Variants in TMEM117 observed in about 807,000 individuals in gnomAD.
TMEM117 encodes transmembrane protein 117.
TMEM117 carries 27 observed loss-of-function variants against 52.4 expected under a neutral mutation model. The observed-to-expected ratio is 0.51, with a 90% CI of 0.38 to 0.71. The LOEUF (loss-of-function observed/expected upper bound fraction) is 0.71. TMEM117 is among the 30% of genes least tolerant of loss of function. TMEM117 has a pLI of 0.00. For missense variants in TMEM117, 556 were observed against 630.5 expected (o/e 0.88, Z 1.26); for synonymous variants, 215 against 206.3 (o/e 1.04, Z -0.36).
At chr12:44,353,702 T>C (rs1377372755) in intron 6 of TMEM117, among the ~76,000 whole-genome samples, 4 of 152,138 alleles carry the variant, frequency 2.6e-5, no homozygotes, top group South Asian at 2.1e-4. Context: ...TACTGTAGCC[T>C]TGTAGTATAG....
At chr12:43,966,625 C>T (rs1945490336) in intron 3 of TMEM117, among the ~76,000 whole-genome samples, 1 of 152,040 alleles carries the variant, frequency 6.6e-6, no homozygotes, top group Non-Finnish European at 1.5e-5. Flanking sequence ...AATTTGCAGC[C>T]AAGTTCAGTA....
chr12:43,849,425 G>A (rs1418070459), intron 2 of TMEM117, among the ~76,000 whole-genome samples: 1 of 152,108 alleles, frequency 6.6e-6, no homozygotes, highest in African/African-American at 2.4e-5. Context: ...ATTATAAACA[G>A]GACATTTGGT....
rs188627748 is a variant in TMEM117, at chr12:44,295,472, G to T, written c.609-4108G>T. ...AATCCACCTGCCTTGGCCTCCCAAA[G>T]TGCTGGGATTACGGGCATAAGCCAC... On this transcript the variant is annotated intron_variant, in intron 5 of 7. Transcript: ENST00000266534. Among the ~76,000 whole-genome samples the T allele has an allele frequency of 4.6e-5, 7 of 152,248 alleles. No homozygotes were observed. The South Asian group carries it at 6.2e-4, about 14-fold the overall frequency.
intron 3 of TMEM117, among the ~76,000 whole-genome samples, chr12:44,081,625 T>A (rs1378904200): frequency 6.6e-6 from 1 of 152,072 alleles, no homozygotes; most frequent in African/African-American, 2.4e-5. Flanking sequence ...TCTGGTAGAG[T>A]CTTAAGTTCT....
intron 5 of TMEM117, among the ~76,000 whole-genome samples, chr12:44,289,865 T>C (rs1264499350): frequency 6.6e-6 from 1 of 152,108 alleles, no homozygotes; most frequent in Non-Finnish European, 1.5e-5. Context: ...CTTAACACCA[T>C]CACCAACACT....
intron 2 of TMEM117, among the ~76,000 whole-genome samples, chr12:43,874,810 T>C (rs1943765609): frequency 6.6e-6 from 1 of 152,224 alleles, no homozygotes; most frequent in East Asian, 1.9e-4. Context: ...TTTGAGCTAG[T>C]ATCTAATGTA....
At position 44,389,057 on chromosome 12, in the gene TMEM117, GTTTTGTA is replaced by G; in HGVS notation, c.*387_*393del. 6.9e-6 allele frequency: 1 copy of G among 145,666 alleles called. No individual in the cohort carries two copies. The highest frequency in any genetic ancestry group is 2.1e-4 in the South Asian group (1 of 4,690). 9.0% of individuals were successfully genotyped at this position (145,666 alleles called of 1,614,324 possible). ...GTTACCTAACCTATTTCACATGGGC[GTTTTGTA>G]TACAACTATTTTGATCTACACTTGA... On this transcript the variant is annotated 3_prime_UTR_variant, in exon 8 of 8. Transcript: ENST00000266534.
At chr12:44,147,107 T>G (rs1676611097) in intron 4 of TMEM117, among the ~76,000 whole-genome samples, 1 of 152,186 alleles carries the variant, frequency 6.6e-6, no homozygotes, top group Non-Finnish European at 1.5e-5. Context: ...CTAATTCTTT[T>G]GTCAAATAGG....
chr12:44,162,365 G>A (rs1948909564), intron 4 of TMEM117, among the ~76,000 whole-genome samples: 1 of 152,118 alleles, frequency 6.6e-6, no homozygotes, highest in South Asian at 2.1e-4. Context: ...CATGCCCTCA[G>A]GGTGCATTTT....
chr12:44,324,793 A>G (rs1301029765), intron 6 of TMEM117, among the ~76,000 whole-genome samples: 1 of 152,162 alleles, frequency 6.6e-6, no homozygotes, highest in Non-Finnish European at 1.5e-5. Flanking sequence ...GATCATTTTA[A>G]TGAATGCATT....
chr12:44,261,117 A>AT (rs1453343099), intron 5 of TMEM117, among the ~76,000 whole-genome samples: 1 of 150,424 alleles, frequency 6.6e-6, no homozygotes, highest in East Asian at 1.9e-4. Context: ...ATCTTAAAAC[A>AT]TTTTTTTAAA....
chr12:44,063,606 A>ATC (rs1451682788), intron 3 of TMEM117, among the ~76,000 whole-genome samples: 1 of 149,610 alleles, frequency 6.7e-6, no homozygotes, highest in Non-Finnish European at 1.5e-5. Flanking sequence ...TCCTAATGCT[A>ATC]TCCCTCCCGC....
chr12:43,878,341 G>C (rs1315198947), intron 2 of TMEM117, among the ~76,000 whole-genome samples: 1 of 152,120 alleles, frequency 6.6e-6, no homozygotes, highest in Non-Finnish European at 1.5e-5. Flanking sequence ...TCAAGTCATT[G>C]ATGTTCTCAG....
At chr12:43,882,237 A>G (rs1592330608) in intron 2 of TMEM117, among the ~76,000 whole-genome samples, 1 of 152,128 alleles carries the variant, frequency 6.6e-6, no homozygotes, top group Non-Finnish European at 1.5e-5. Flanking sequence ...AGGCGGGCGG[A>G]TCACCTGAGG....
intron 5 of TMEM117, among the ~76,000 whole-genome samples, chr12:44,221,823 C>T (rs1005485394): frequency 6.6e-6 from 1 of 151,950 alleles, no homozygotes; most frequent in African/African-American, 2.4e-5. Flanking sequence ...CTCAGCCTCC[C>T]GAGTAGCTGC....
At chr12:44,080,582 G>C (rs1032466847) in intron 3 of TMEM117, among the ~76,000 whole-genome samples, 1 of 152,086 alleles carries the variant, frequency 6.6e-6, no homozygotes, top group Non-Finnish European at 1.5e-5. Context: ...ATAGTTTTAT[G>C]TTCTAAATCA....
intron 6 of TMEM117, among the ~76,000 whole-genome samples, chr12:44,367,640 CT>C (rs1951807073): frequency 6.6e-6 from 1 of 152,118 alleles, no homozygotes. Flanking sequence ...GAGTCCACAT[CT>C]GTATCTCCAG....
chr12:44,240,638 T>G (rs1950050230), intron 5 of TMEM117, among the ~76,000 whole-genome samples: 1 of 152,082 alleles, frequency 6.6e-6, no homozygotes, highest in Non-Finnish European at 1.5e-5. Context: ...ATGTTAATGC[T>G]TTTTTATTTC....
intron 3 of TMEM117, among the ~76,000 whole-genome samples, chr12:44,032,081 A>G (rs543097958): frequency 3.2e-4 from 48 of 152,346 alleles, no homozygotes; most frequent in Non-Finnish European, 5.7e-4. Context: ...CTCAACTCAT[A>G]GGTATTTGAT....
Sources: gnomAD v4.1 joint callset for allele counts (sites outside exome capture counted in the v4.1 genomes callset) on GRCh38, gnomAD v4.1.1 for gene constraint, MANE v1.5 for transcripts, NCBI Gene and HGNC (gene_info 2026-07-23, HGNC 2026-07-21) for gene names.